Variants in AJUBA observed in about 807,000 individuals in gnomAD.
AJUBA encodes LIM domain-containing protein ajuba.
A neutral mutation model predicts 53.3 loss-of-function variants in AJUBA; 20 were observed. The ratio of observed to expected loss-of-function variants is 0.38; its 90% CI spans 0.26 to 0.55. AJUBA has a LOEUF of 0.55. Among genes scored for constraint, AJUBA ranks in the 20% least tolerant of loss-of-function variants. AJUBA has a pLI of 0.80. For synonymous variants in AJUBA, 296 were observed against 306.2 expected (o/e 0.97, Z 0.35); for missense variants, 580 against 730.5 (o/e 0.79, Z 2.38).
chr14:22,976,600 G>A (rs764998253), intron 3 of AJUBA, 45 bp downstream of exon 3: 4 of 1,612,692 alleles, frequency 2.5e-6, no homozygotes, highest in Non-Finnish European at 3.4e-6. Flanking sequence ...CCAAGAAGGG[G>A]GTCAGTATGG....
chr14:22,975,188 A>G, intron 4 of AJUBA, 84 bp from the exon 5 acceptor site: 2 of 1,510,898 alleles, frequency 1.3e-6, no homozygotes, highest in South Asian at 2.4e-5. Flanking sequence ...TACTCCCATT[A>G]ACCTCATCCA....
At position 22,982,349 on chromosome 14, in the gene AJUBA, G is replaced by T; in HGVS notation, c.-83C>A. ...CGGCCGGTTCTCTTTCCCTGCAGCC[G>T]GACTCTGGTTCCCCAGGGGCACAGG... On this transcript the variant is annotated 5_prime_UTR_variant, in exon 1 of 8. Transcript: ENST00000262713. The T allele has an allele frequency of 6.4e-7, 1 of 1,567,334 alleles. No individual in the cohort carries two copies.
Position 22,982,507 on chromosome 14 carries a change from G to A in AJUBA, c.-241C>T. The A allele has an allele frequency of 7.2e-7, 1 of 1,391,704 alleles. No homozygotes were observed. Among genetic ancestry groups the A allele is most frequent in the South Asian group, 1.5e-5 (1 of 65,102 alleles). 86.2% of individuals were successfully genotyped at this position (1,391,704 alleles called of 1,614,324 possible). ...GCTAGCAGGGTCTCTGGCCGCGGCT[G>A]TCCAGTCCGCAGGTCTATCTGTTCA... On this transcript the variant is annotated 5_prime_UTR_variant, in exon 1 of 8. Coordinates refer to ENST00000262713, the MANE Select transcript of AJUBA (RefSeq NM_032876.6).
chr14:22,973,236 G>A lies in AJUBA; in HGVS notation c.*207C>T, dbSNP rs2045000933. ...GACTGCACACATGGGAAAAAGGCCA[G>A]TCGCCCCCACCCTGGTAAATATAAG... is the stretch of plus-strand genomic sequence containing the variant. On this transcript the variant is annotated 3_prime_UTR_variant, in exon 8 of 8. Coordinates refer to ENST00000262713, the MANE Select transcript of AJUBA (RefSeq NM_032876.6). 2 of 757,316 alleles carry A rather than the reference G, an allele frequency of 2.6e-6. No homozygotes were observed. Among genetic ancestry groups the A allele is most frequent in the Non-Finnish European group, 4.1e-6 (2 of 487,264 alleles). The allele number at this position is 757,316 out of a possible 1,614,324, so 46.9% of individuals were successfully genotyped here. A position where few individuals can be genotyped will look rare whatever the true frequency, so the allele number is the denominator to read the frequency against.
At position 22,982,137 on chromosome 14, in the gene AJUBA, G is replaced by A. The variant is rs559201248; in HGVS notation, c.130C>T (p.Pro44Ser). The change falls in exon 1 of 8, where the codon CCT becomes TCT. Residue 44 changes from proline (P) to serine (S), a missense_variant. By Grantham distance (74) the Pro-to-Ser change is moderately conservative. Coordinates refer to ENST00000262713, the MANE Select transcript of AJUBA (RefSeq NM_032876.6). Reference sequence around the variant, plus strand: ...GCTCCTCGGGGCCCTGACTTCCTAGGTCCCCCCAACCCACTTAGGCGCCCC... The same window carrying A: ...GCTCCTCGGGGCCCTGACTTCCTAGATCCCCCCAACCCACTTAGGCGCCCC... ...GKGRLSGLGGPRKSGPRGATG... is the reference protein window; with the variant it reads ...GKGRLSGLGGSRKSGPRGATG... 1 of 1,607,350 alleles carries A rather than the reference G, an allele frequency of 6.2e-7. No homozygotes were observed. The highest frequency in any genetic ancestry group is 1.7e-5 in the Admixed American group (1 of 58,444).
rs994975487 is a variant in AJUBA at position 22,979,002 on chromosome 14, G to T, written c.1007-557C>A. ...GAGAAAAGGATCTGGCTTGGCAGAG[G>T]GCTCCGTGCAGAGGGGACCATGTGA... On this transcript the variant is annotated intron_variant, in intron 1 of 7. Coordinates refer to ENST00000262713, the MANE Select transcript of AJUBA (RefSeq NM_032876.6). This position sits in a 1 kb window ranked among gnomAD's most constrained non-coding sequence, Gnocchi z 4.0. The T allele has an allele frequency of 8.5e-6, 11 of 1,289,060 alleles. No individual in the cohort carries two copies. The African/African-American group carries it at 1.5e-4, about 18-fold the overall frequency. The allele number at this position is 1,289,060 out of a possible 1,614,324, so 79.9% of individuals were successfully genotyped here.
At position 22,973,469 on chromosome 14, in the gene AJUBA, G is replaced by A. The variant is rs770970122; in HGVS notation, c.1591C>T (p.Arg531Ter). The A allele has an allele frequency of 9.9e-6, 16 of 1,612,962 alleles. No homozygotes were observed. Among genetic ancestry groups the A allele is most frequent in the East Asian group, 2.2e-5 (1 of 44,860 alleles). Residue 531 changes from arginine to a stop codon, truncating the protein, a stop_gained, in exon 8 of 8, where the codon CGA (arginine) becomes TGA (stop). Coordinates refer to ENST00000262713, the MANE Select transcript of AJUBA (RefSeq NM_032876.6). LOFTEE classifies it high-confidence loss of function. ...HGCHMQRLNA[R>*]QPPANYI is the part of the protein sequence containing the mutation. ...CAGATATAGTTGGCAGGGGGTTGTC[G>A]GGCATTGAGCCGCTGCATGTGGCAA...
Position 22,976,527 on chromosome 14 carries a change from AAAGAC to A in AJUBA, c.1177-14_1177-10del. 6.2e-7 allele frequency: 1 copy of A among 1,614,178 alleles called. No homozygotes were observed. Among genetic ancestry groups the A allele is most frequent in the South Asian group, 1.1e-5 (1 of 91,080 alleles). ...TCCTGAAACCCTGAAAACTAAAGTAAAAGACAAGACGAACGGAGGCTGTTATCAAA... is the reference window on the plus strand; with the variant it reads ...TCCTGAAACCCTGAAAACTAAAGTAAAAGACGAACGGAGGCTGTTATCAAA... On this transcript the variant is annotated splice_polypyrimidine_tract_variant and intron_variant, in intron 3 of 7. Transcript: ENST00000262713.
Position 22,982,273 on chromosome 14 carries a change from G to T in AJUBA, c.-7C>A, listed in dbSNP as rs1166124316. 6.2e-7 allele frequency: 1 copy of T among 1,611,142 alleles called. No homozygotes were observed. Among genetic ancestry groups the T allele is most frequent in the East Asian group, 2.2e-5 (1 of 44,726 alleles). ...TCTCTCCTAACCGCTCCATGCCCTC[G>T]GGCCTGGGGCCTCTCGCCCCCTCCC... On this transcript the variant is annotated 5_prime_UTR_variant, in exon 1 of 8. Coordinates refer to ENST00000262713, the MANE Select transcript of AJUBA (RefSeq NM_032876.6).
intron 7 of AJUBA, 144 bp downstream of exon 7, chr14:22,973,903 A>C: frequency 1.0e-6 from 1 of 996,598 alleles, no homozygotes; most frequent in East Asian, 2.4e-5. Context: ...GAGGACAAAA[A>C]AGAGACTGAA....
chr14:22,982,469 G>A lies in AJUBA; in HGVS notation c.-203C>T, dbSNP rs1020263747. The A allele has an allele frequency of 3.5e-6, 5 of 1,424,558 alleles. No individual in the cohort carries two copies. In the African/African-American group the frequency reaches 5.9e-5, roughly 17 times the overall value. The allele number at this position is 1,424,558 out of a possible 1,614,324, so 88.2% of individuals were successfully genotyped here. A position where few individuals can be genotyped will look rare whatever the true frequency, so the allele number is the denominator to read the frequency against. On this transcript the variant is annotated 5_prime_UTR_variant, in exon 1 of 8. Transcript: ENST00000262713. ...AGGGGCTGCGTCCCCCCGCGCATCT[G>A]GGGCTGAGCGGGGCTAGCAGGGTCT...
Position 22,982,328 on chromosome 14 carries a change from C to G in AJUBA, c.-62G>C, listed in dbSNP as rs2045111320. 23 of 1,589,124 alleles carry G rather than the reference C, an allele frequency of 1.4e-5. No individual in the cohort carries two copies. Among genetic ancestry groups the G allele is most frequent in the Admixed American group, 7.1e-5 (4 of 56,314 alleles). ...TGGCACCCTGCGGCGTCTCGGCGGC[C>G]GGTTCTCTTTCCCTGCAGCCGGACT... On this transcript the variant is annotated 5_prime_UTR_variant, in exon 1 of 8. Transcript: ENST00000262713.
At chr14:22,977,615 G>A (rs1228175365) in intron 2 of AJUBA, 1 of 152,348 alleles carries the variant, frequency 6.6e-6, no homozygotes, top group Non-Finnish European at 1.5e-5. Flanking sequence ...AGGATAGACA[G>A]ACAGATGAGC....
At chr14:22,978,262 C>T in intron 2 of AJUBA, 82 bp downstream of exon 2, 1 of 1,336,652 alleles carries the variant, frequency 7.5e-7, no homozygotes, top group Non-Finnish European at 1.0e-6. Flanking sequence ...GAGGCACAAG[C>T]TCTCCTCCTG....
At chr14:22,976,759 G>T in intron 2 of AJUBA, 47 bp from the exon 3 acceptor site, 1 of 1,602,996 alleles carries the variant, frequency 6.2e-7, no homozygotes, top group South Asian at 1.1e-5. Flanking sequence ...CAGCCCAGGT[G>T]CAAGACTTCT....
At position 22,973,266 on chromosome 14, in the gene AJUBA, C is replaced by G. The variant is rs1000329378; in HGVS notation, c.*177G>C. ...CCCCACCCTGGTAAATATAAGGTTT[C>G]TCTTCCACAATCCATTTGGAATATC... is the stretch of plus-strand genomic sequence containing the variant. On this transcript the variant is annotated 3_prime_UTR_variant, in exon 8 of 8. Coordinates refer to ENST00000262713, the MANE Select transcript of AJUBA (RefSeq NM_032876.6). 1 of 1,000,524 alleles carries G rather than the reference C, an allele frequency of 1.0e-6. No homozygotes were observed. Among genetic ancestry groups the G allele is most frequent in the African/African-American group, 1.6e-5 (1 of 61,080 alleles). The allele number at this position is 1,000,524 out of a possible 1,614,324, so 62.0% of individuals were successfully genotyped here.
rs200090663 is a variant in AJUBA at position 22,976,626 on chromosome 14, C to T, written c.1176+19G>A. On this transcript the variant is annotated intron_variant, in intron 3 of 7. Coordinates refer to ENST00000262713, the MANE Select transcript of AJUBA (RefSeq NM_032876.6). ...GTCAGTATGGAAACCAATTCCAGGT[C>T]CAGGTGACCCTTACTCACCAGATAA... 2,145 of 1,613,244 alleles carry T rather than the reference C, an allele frequency of 1.3e-3. 3 individuals carry two copies. The highest frequency in any genetic ancestry group is 3.1e-3 in the Middle Eastern group (19 of 6,060).
chr14:22,978,558 G>T, intron 1 of AJUBA, 113 bp from the exon 2 acceptor site: 1 of 1,486,400 alleles, frequency 6.7e-7, no homozygotes, highest in South Asian at 1.3e-5. Context: ...CCTTTGATGG[G>T]CTCCCTTCTG....
At chr14:22,981,127 T>C in intron 1 of AJUBA, 134 bp downstream of exon 1, 1 of 1,118,344 alleles carries the variant, frequency 8.9e-7, no homozygotes, top group Non-Finnish European at 1.3e-6. Context: ...CCCCCATCCA[T>C]CCCTCTTGCT....
Sources: gnomAD v4.1 joint callset for allele counts on GRCh38, gnomAD v4.1.1 for gene constraint, Gnocchi (gnomAD v3.1) non-coding constraint, MANE v1.5 for transcripts, NCBI Gene and HGNC (gene_info 2026-07-23, HGNC 2026-07-21) for gene names.